EHBP1: variants seen among roughly 807,000 people sequenced by gnomAD.
EHBP1 encodes the protein EH domain-binding protein 1.
EHBP1 carries 55 observed loss-of-function variants against 144.0 expected under a neutral mutation model. The observed-to-expected ratio is 0.38, with a 90% CI of 0.31 to 0.48. The LOEUF (loss-of-function observed/expected upper bound fraction) is 0.48. Among genes scored for constraint, EHBP1 ranks in the 20% least tolerant of loss-of-function variants. The pLI, the probability that EHBP1 is intolerant of heterozygous loss-of-function variation, is 0.98. For missense variants in EHBP1, 1,200 were observed against 1,364.2 expected (o/e 0.88, Z 1.90); for synonymous variants, 469 against 472.7 (o/e 0.99, Z 0.10).
chr2:63,041,697 A>G (rs1380910584), intron 21 of EHBP1, among the ~76,000 whole-genome samples: 2 of 152,230 alleles, frequency 1.3e-5, no homozygotes, highest in African/African-American at 4.8e-5. Context: ...GTAGAATCCT[A>G]TCAAATGGCC....
chr2:62,907,041 G>A (rs555601456), intron 10 of EHBP1, among the ~76,000 whole-genome samples: 2 of 152,252 alleles, frequency 1.3e-5, no homozygotes, highest in South Asian at 2.1e-4. Flanking sequence ...CCACTCACCT[G>A]TTGAAGGACA....
At chr2:62,753,795 A>G (rs1573143648) in intron 3 of EHBP1, among the ~76,000 whole-genome samples, 1 of 152,272 alleles carries the variant, frequency 6.6e-6, no homozygotes, top group East Asian at 1.9e-4. Flanking sequence ...CGGCTACTGA[A>G]GCTTGTGCAT....
At chr2:62,764,050 A>G (rs1470387960) in intron 3 of EHBP1, among the ~76,000 whole-genome samples, 3 of 152,114 alleles carry the variant, frequency 2.0e-5, no homozygotes, top group Non-Finnish European at 4.4e-5. Flanking sequence ...TAGCTGTCAT[A>G]TGATATAACT....
At chr2:62,875,224 G>A (rs557779570) in intron 10 of EHBP1, among the ~76,000 whole-genome samples, 1 of 152,308 alleles carries the variant, frequency 6.6e-6, no homozygotes, top group African/African-American at 2.4e-5. Context: ...AAATGCTTTT[G>A]CCAGCACCCC....
At chr2:62,873,811 C>T (rs2050670561) in intron 9 of EHBP1, among the ~76,000 whole-genome samples, 1 of 152,082 alleles carries the variant, frequency 6.6e-6, no homozygotes, top group African/African-American at 2.4e-5. Context: ...AATTCTCTAC[C>T]CAGCTAAACT....
intron 14 of EHBP1, among the ~76,000 whole-genome samples, chr2:62,972,069 A>C (rs2058525052): frequency 6.6e-6 from 1 of 152,200 alleles, no homozygotes; most frequent in African/African-American, 2.4e-5. Context: ...CTTATCTTTT[A>C]AGTAACAGCA....
chr2:62,762,261 C>G (rs1326075966), intron 3 of EHBP1, among the ~76,000 whole-genome samples: 1 of 152,184 alleles, frequency 6.6e-6, no homozygotes, highest in Non-Finnish European at 1.5e-5. Context: ...ACTGATGGGC[C>G]TTTGCTGGCT....
intron 10 of EHBP1, among the ~76,000 whole-genome samples, chr2:62,922,256 G>A (rs1039070968): frequency 2.6e-5 from 4 of 152,188 alleles, no homozygotes; most frequent in African/African-American, 9.6e-5. Context: ...TGAGTAAGCT[G>A]AGGACAAAGA....
chr2:62,771,272 C>T, intron 4 of EHBP1, 67 bp from the exon 5 acceptor site: 2 of 1,223,136 alleles, frequency 1.6e-6, no homozygotes, highest in Non-Finnish European at 2.3e-6. Context: ...TATGTATTTT[C>T]TTAATTGGGT....
rs951869292 is a variant in EHBP1, at chr2:62,848,494, G to A, written c.635-10675G>A. Among the ~76,000 whole-genome samples the A allele has an allele frequency of 1.4e-4, 21 of 152,112 alleles. 1 individual carries two copies. The highest frequency in any genetic ancestry group is 4.1e-4 in the South Asian group (2 of 4,826). On this transcript the variant is annotated intron_variant, in intron 7 of 22. Coordinates refer to ENST00000431489, the MANE Select transcript of EHBP1 (RefSeq NM_001142616.3). ...AAAGATTTGCACAAAGATATTCATA[G>A]CAATTTATTCGTAATAGTCCCAAAC...
At chr2:62,835,022 T>A (rs551406567) in intron 7 of EHBP1, among the ~76,000 whole-genome samples, 2 of 152,364 alleles carry the variant, frequency 1.3e-5, no homozygotes, top group African/African-American at 4.8e-5. Flanking sequence ...GTTTATTCTC[T>A]TAAAGCCTCA....
At chr2:63,037,856 C>T (rs1394186794) in intron 20 of EHBP1, among the ~76,000 whole-genome samples, 1 of 151,774 alleles carries the variant, frequency 6.6e-6, no homozygotes. Flanking sequence ...TACAGAAAGC[C>T]AAGGAATATA....
chr2:62,916,980 A>G (rs1171840903), intron 10 of EHBP1, among the ~76,000 whole-genome samples: 1 of 151,986 alleles, frequency 6.6e-6, no homozygotes, highest in African/African-American at 2.4e-5. Flanking sequence ...TATATATATC[A>G]TGTGTTACTT....
intron 19 of EHBP1, among the ~76,000 whole-genome samples, chr2:63,008,339 G>T (rs1559059356): frequency 2.0e-5 from 3 of 151,566 alleles, no homozygotes; most frequent in African/African-American, 4.8e-5. Flanking sequence ...GTACACTCCT[G>T]TGGTGCCACT....
intron 2 of EHBP1, among the ~76,000 whole-genome samples, chr2:62,718,511 C>T (rs554345086): frequency 7.6e-4 from 116 of 152,286 alleles, no homozygotes; most frequent in Middle Eastern, 3.4e-3. Context: ...CCCAAACTGA[C>T]TATCTTTAGA....
intron 6 of EHBP1, among the ~76,000 whole-genome samples, chr2:62,829,741 T>C (rs2046660816): frequency 6.8e-6 from 1 of 147,196 alleles, no homozygotes; most frequent in Non-Finnish European, 1.5e-5. Flanking sequence ...ATTATTTATA[T>C]ATTTATATTA....
At chr2:62,781,151 A>G (rs2042398200) in intron 5 of EHBP1, among the ~76,000 whole-genome samples, 2 of 152,178 alleles carry the variant, frequency 1.3e-5, no homozygotes, top group African/African-American at 4.8e-5. Context: ...TATGAAGATT[A>G]AGTTTAGGAT....
intron 15 of EHBP1, among the ~76,000 whole-genome samples, chr2:62,979,678 C>G (rs551896205): frequency 6.6e-6 from 1 of 152,254 alleles, no homozygotes; most frequent in African/African-American, 2.4e-5. Context: ...TAAATCAGCA[C>G]AATTAGTGAT....
At chr2:63,014,543 A>G (rs988886058) in intron 19 of EHBP1, among the ~76,000 whole-genome samples, 1 of 152,228 alleles carries the variant, frequency 6.6e-6, no homozygotes, top group African/African-American at 2.4e-5. Context: ...TATAAGGAAC[A>G]TATTTTTCAC....
Sources: allele counts gnomAD v4.1 joint callset (sites outside exome capture counted in the v4.1 genomes callset), GRCh38; gene constraint gnomAD v4.1.1; transcripts MANE v1.5; gene names NCBI Gene and HGNC (gene_info 2026-07-23, HGNC 2026-07-21).